Variants in TNRC18 observed in about 807,000 individuals in gnomAD.
TNRC18 encodes the protein trinucleotide repeat-containing gene 18 protein.
Under a neutral mutation model 226.7 loss-of-function variants are expected in TNRC18, and 69 were observed. The observed-to-expected ratio is 0.30, with a 90% confidence interval of 0.25 to 0.37. TNRC18 has a LOEUF of 0.37. Among genes scored for constraint, TNRC18 ranks in the 10% least tolerant of loss-of-function variants. TNRC18 has a pLI of 1.00. For missense variants in TNRC18, 4,754 were observed against 4,256.6 expected (o/e 1.12, Z -3.25); for synonymous variants, 2,449 against 1,927.6 (o/e 1.27, Z -7.09).
chr7:5,367,170 G>C lies in TNRC18; in HGVS notation c.4219+3205C>G, dbSNP rs144782940. Among the ~76,000 whole-genome samples the C allele has an allele frequency of 9.1e-3, 1,381 of 152,120 alleles. 22 individuals are homozygous for C. Among genetic ancestry groups the C allele is most frequent in the African/African-American group, 0.032 (1,329 of 41,524 alleles). ...ACTTGAGGCCAGGAGTTCAAGACCA[G>C]CATGGCCAACATGGGGAAACCCCGT... On this transcript the variant is annotated intron_variant, in intron 11 of 29. Coordinates refer to ENST00000430969, the MANE Select transcript of TNRC18 (RefSeq NM_001080495.3).
chr7:5,377,354 C>T lies in TNRC18; in HGVS notation c.2461+17G>A. On this transcript the variant is annotated intron_variant, in intron 7 of 29. Coordinates refer to ENST00000430969, the MANE Select transcript of TNRC18 (RefSeq NM_001080495.3). The surrounding 1 kb of genome is among the most constrained non-coding windows in gnomAD (Gnocchi z 5.8). The stretch of plus-strand genomic sequence containing the variant: ...CCTCCCTCAGAGAAGGGGAGAGACC[C>T]TGTGCCCCACACTCACCGTAGGGGT... 2.0e-6 allele frequency: 3 copies of T among 1,526,984 alleles called. No individual in the cohort carries two copies. Among genetic ancestry groups the T allele is most frequent in the Non-Finnish European group, 2.6e-6 (3 of 1,132,476 alleles). 94.6% of individuals were successfully genotyped at this position (1,526,984 alleles called of 1,614,324 possible).
intron 2 of TNRC18, among the ~76,000 whole-genome samples, chr7:5,408,860 A>G (rs1023596669): frequency 2.6e-5 from 4 of 152,202 alleles, no homozygotes; most frequent in Non-Finnish European, 4.4e-5. Context: ...TCACCACAGA[A>G]GCACTGACCC....
chr7:5,329,770 G>C (rs928817471), intron 19 of TNRC18, among the ~76,000 whole-genome samples: 6 of 42,054 alleles, frequency 1.4e-4, no homozygotes, highest in Non-Finnish European at 2.9e-4. Context: ...TTGAACACTG[G>C]GGACGTAGCT....
chr7:5,352,144 C>T, intron 16 of TNRC18, 50 bp from the exon 17 acceptor site: 1 of 1,520,866 alleles, frequency 6.6e-7, no homozygotes, highest in Non-Finnish European at 8.8e-7. Flanking sequence ...GCAGCAGGAG[C>T]TGGTGTCATT....
Position 5,371,339 on chromosome 7 carries a change from T to G in TNRC18, c.3255A>C (p.Gln1085His), listed in dbSNP as rs1459081256. The G allele has an allele frequency of 2.0e-6, 3 of 1,518,218 alleles. No homozygotes were observed. Among genetic ancestry groups the G allele is most frequent in the Non-Finnish European group, 2.6e-6 (3 of 1,138,762 alleles). The allele number at this position is 1,518,218 out of a possible 1,614,324, so 94.0% of individuals were successfully genotyped here. ...FSDIPPRYPF[Q>H]ALPPHYGRPY... The stretch of plus-strand genomic sequence containing the variant: ...GCCTCCCGTAGTGCGGTGGCAGGGC[T>G]TGGAACGGGTACCTGGGCGGGATAT... The change falls in exon 11 of 30, where the codon CAA becomes CAC. Residue 1085 changes from glutamine to histidine, a missense_variant. Coordinates refer to ENST00000430969, the MANE Select transcript of TNRC18 (RefSeq NM_001080495.3).
At chr7:5,409,466 T>C (rs1281068146) in intron 2 of TNRC18, among the ~76,000 whole-genome samples, 2 of 151,794 alleles carry the variant, frequency 1.3e-5, no homozygotes, top group Non-Finnish European at 2.9e-5. Flanking sequence ...GGCGCACCCC[T>C]GTAGTCCGAG....
rs928074426 is a variant in TNRC18 at position 5,352,480 on chromosome 7, A to C, written c.5195-386T>G. On this transcript the variant is annotated intron_variant, in intron 16 of 29. Coordinates refer to ENST00000430969, the MANE Select transcript of TNRC18 (RefSeq NM_001080495.3). ...GGGATTACGATGGCCCAAGGGTGAC[A>C]ACCGCAGAGGACCTGACTCAGGAGG... is the stretch of plus-strand genomic sequence containing the variant. Among the ~76,000 whole-genome samples the C allele has an allele frequency of 2.0e-5, 3 of 152,218 alleles. No homozygotes were observed. The East Asian group carries it at 5.8e-4, about 29-fold the overall frequency.
chr7:5,358,995 T>A (rs923180469), intron 15 of TNRC18, among the ~76,000 whole-genome samples: 9 of 152,212 alleles, frequency 5.9e-5, no homozygotes, highest in African/African-American at 2.2e-4. Flanking sequence ...GAGAGGAAAT[T>A]ACCATGGCAC....
intron 2 of TNRC18, chr7:5,420,830 C>T (rs1173144684): frequency 5.6e-6 from 4 of 712,098 alleles, no homozygotes; most frequent in East Asian, 5.5e-5. Context: ...CGGCTTTCGG[C>T]TCACGAGGGC....
chr7:5,372,120 T>A (rs1480369853), intron 10 of TNRC18, among the ~76,000 whole-genome samples: 1 of 150,520 alleles, frequency 6.6e-6, no homozygotes, highest in East Asian at 2.0e-4. Flanking sequence ...CAGACTGGAG[T>A]GCAGTGGCGC....
intron 18 of TNRC18, among the ~76,000 whole-genome samples, chr7:5,339,575 GTGTT>G (rs1195858867): frequency 2.0e-4 from 29 of 148,332 alleles, no homozygotes; most frequent in East Asian, 1.0e-3. Flanking sequence ...GTGTGTGTGT[GTGTT>G]TTTCGACAGA....
chr7:5,313,421 C>T lies in TNRC18; in HGVS notation c.7470G>A (p.Gly2490=), dbSNP rs1249652946. ...ALLLREDPGA[G]GWQEPKSLLS... ...GGAGGCTCTTGGGCTCCTGCCAGCC[C>T]CCCGCCCCCGGATCCTCCCGGAGCA... The change falls in exon 27 of 30, where the codon GGG becomes GGA. Residue 2490 remains glycine, a synonymous_variant. Coordinates refer to ENST00000430969, the MANE Select transcript of TNRC18 (RefSeq NM_001080495.3). 1 of 1,605,052 alleles carries T rather than the reference C, an allele frequency of 6.2e-7. No homozygotes were observed. The highest frequency in any genetic ancestry group is 1.3e-5 in the African/African-American group (1 of 74,764).
In TNRC18 at chr7:5,324,400, G is replaced by C; in HGVS notation, c.6301-45C>G. 2 of 1,600,276 alleles carry C rather than the reference G, an allele frequency of 1.2e-6. No homozygotes were observed. Among genetic ancestry groups the C allele is most frequent in the Non-Finnish European group, 1.7e-6 (2 of 1,173,464 alleles). ...GACAAATGACTTAGGACCTGAACAG[G>C]GGTCCTGCCGGGTTGGGGACCCTCT... On this transcript the variant is annotated intron_variant, in intron 20 of 29. Transcript: ENST00000430969. The surrounding 1 kb of genome is among the most constrained non-coding windows in gnomAD (Gnocchi z 4.8).
rs1786934559 is a variant in TNRC18 at position 5,309,221 on chromosome 7, C to A, written c.8536G>T (p.Glu2846Ter). The change falls in exon 28 of 30, where the codon GAG (glutamate) becomes TAG (stop). Residue 2846 changes from glutamate (E) to a stop codon, truncating the protein, a stop_gained. Transcript: ENST00000430969. LOFTEE classifies it high-confidence loss of function. The surrounding 1 kb of genome is among the most constrained non-coding windows in gnomAD (Gnocchi z 5.7). The part of the protein sequence containing the change: ...PYIGRIQSMW[E>*]SWGNNMVVRV... ...ACCACCATGTTGTTGCCCCACGACT[C>A]CCACATGCTCTGGATGCGGCCGATG... 6.2e-7 allele frequency: 1 copy of A among 1,613,638 alleles called. No homozygotes were observed. Among genetic ancestry groups the A allele is most frequent in the Non-Finnish European group, 8.5e-7 (1 of 1,179,826 alleles).
In TNRC18 at chr7:5,326,203, G is replaced by A. The variant is rs12534098; in HGVS notation, c.6148-955C>T. Among the ~76,000 whole-genome samples, 15 of 151,516 alleles carry A rather than the reference G, an allele frequency of 9.9e-5. No individual in the cohort carries two copies. The South Asian group carries it at 1.2e-3, about 13-fold the overall frequency. On this transcript the variant is annotated intron_variant, in intron 19 of 29. Coordinates refer to ENST00000430969, the MANE Select transcript of TNRC18 (RefSeq NM_001080495.3). ...GAACTTTCCACAAGCACACACAACC[G>A]TGTAAATATGAAGGCTACGCAGACA... is the stretch of plus-strand genomic sequence containing the variant.
At chr7:5,381,898 G>A (rs534456868) in intron 5 of TNRC18, among the ~76,000 whole-genome samples, 2 of 152,066 alleles carry the variant, frequency 1.3e-5, no homozygotes, top group Non-Finnish European at 2.9e-5. Context: ...CCCGGGAGGC[G>A]GAGGTTGCAG....
intron 5 of TNRC18, among the ~76,000 whole-genome samples, chr7:5,378,774 C>G (rs1211479928): frequency 1.3e-5 from 2 of 151,920 alleles, no homozygotes; most frequent in Non-Finnish European, 2.9e-5. Flanking sequence ...TTGGTGAGGA[C>G]AGGGCAGAGT....
At chr7:5,322,444 G>A (rs1025348100) in intron 21 of TNRC18, among the ~76,000 whole-genome samples, 2 of 152,096 alleles carry the variant, frequency 1.3e-5, no homozygotes, top group African/African-American at 4.8e-5. Flanking sequence ...GACTATAGGT[G>A]CACACCACCA....
At chr7:5,363,029 C>G (rs553151393) in intron 11 of TNRC18, among the ~76,000 whole-genome samples, 1 of 152,346 alleles carries the variant, frequency 6.6e-6, no homozygotes, top group South Asian at 2.1e-4. Context: ...CATGGTGGCT[C>G]ACGCCTGTAA....
Sources: gnomAD v4.1 joint callset for allele counts (sites outside exome capture counted in the v4.1 genomes callset) on GRCh38, gnomAD v4.1.1 for gene constraint, Gnocchi (gnomAD v3.1) non-coding constraint, MANE v1.5 for transcripts, NCBI Gene and HGNC (gene_info 2026-07-23, HGNC 2026-07-21) for gene names.